SEMA5A: variants seen among roughly 807,000 people sequenced by gnomAD.
SEMA5A encodes the protein semaphorin-5A.
In SEMA5A, 55 loss-of-function variants were observed where a neutral mutation model predicts 135.5. That is an observed-to-expected ratio of 0.41 (90% CI 0.33 to 0.51). SEMA5A has a LOEUF of 0.51. SEMA5A is among the 20% of genes least tolerant of loss of function. SEMA5A has a pLI of 0.37. For synonymous variants in SEMA5A, 580 were observed against 546.5 expected (o/e 1.06, Z -0.85); for missense variants, 1,290 against 1,419.9 (o/e 0.91, Z 1.47).
intron 2 of SEMA5A, among the ~76,000 whole-genome samples, chr5:9,417,507 T>A (rs1175509446): frequency 1.3e-5 from 2 of 152,210 alleles, no homozygotes; most frequent in Non-Finnish European, 2.9e-5. Flanking sequence ...CCTTAGCACC[T>A]CCTATATTTG....
At chr5:9,101,445 C>T (rs896779819) in intron 16 of SEMA5A, among the ~76,000 whole-genome samples, 1 of 152,158 alleles carries the variant, frequency 6.6e-6, no homozygotes, top group Non-Finnish European at 1.5e-5. Flanking sequence ...CACTCATTCC[C>T]TAAGAAGCAC....
intron 13 of SEMA5A, among the ~76,000 whole-genome samples, chr5:9,129,081 A>G (rs1468276531): frequency 2.6e-5 from 4 of 152,246 alleles, no homozygotes; most frequent in Non-Finnish European, 5.9e-5. Context: ...AAGAGATGCT[A>G]TAAATGTTCT....
At chr5:9,329,691 C>T (rs1753032419) in intron 4 of SEMA5A, among the ~76,000 whole-genome samples, 2 of 152,166 alleles carry the variant, frequency 1.3e-5, no homozygotes, top group Non-Finnish European at 2.9e-5. Flanking sequence ...TATCACAGCC[C>T]TTTGTTGGTT....
At position 9,199,675 on chromosome 5, in the gene SEMA5A, C is replaced by T. The variant is rs1806114; in HGVS notation, c.932+2280G>A. ...GCAATAAAAAAATCCTACCCCCCAC[C>T]GCAACTTTACTATCTTTATATCCAT... On this transcript the variant is annotated intron_variant, in intron 9 of 22. Transcript: ENST00000382496. 1.6e-3 allele frequency among the ~76,000 whole-genome samples: 248 copies of T among 152,282 alleles called. 1 individual carries two copies. The highest frequency in any genetic ancestry group is 3.3e-3 in the Admixed American group (51 of 15,292).
chr5:9,141,860 G>T (rs1742083910), intron 12 of SEMA5A, among the ~76,000 whole-genome samples: 1 of 152,132 alleles, frequency 6.6e-6, no homozygotes, highest in African/African-American at 2.4e-5. Context: ...TATCAGTGAT[G>T]ACTTTATCTG....
chr5:9,205,544 G>A (rs1745967925), intron 8 of SEMA5A, among the ~76,000 whole-genome samples: 1 of 152,078 alleles, frequency 6.6e-6, no homozygotes, highest in Admixed American at 6.5e-5. Flanking sequence ...GCAATGGCAG[G>A]TAGACTGACC....
chr5:9,149,577 G>A (rs958484128), intron 12 of SEMA5A, among the ~76,000 whole-genome samples: 2 of 152,198 alleles, frequency 1.3e-5, no homozygotes, highest in African/African-American at 4.8e-5. Flanking sequence ...TCGGAAGATG[G>A]AGGTTGCAGT....
intron 5 of SEMA5A, among the ~76,000 whole-genome samples, chr5:9,241,188 GTAAGTTT>G (rs1203779956): frequency 6.6e-6 from 1 of 152,104 alleles, no homozygotes; most frequent in Non-Finnish European, 1.5e-5. Flanking sequence ...CCTGTTTGCA[GTAAGTTT>G]TTTTCTGTAA....
At chr5:9,353,217 A>G (rs866246573) in intron 3 of SEMA5A, among the ~76,000 whole-genome samples, 2 of 143,676 alleles carry the variant, frequency 1.4e-5, no homozygotes, top group Admixed American at 7.0e-5. Flanking sequence ...AAAGGAAAGG[A>G]AAGGAAAGGA....
intron 1 of SEMA5A, among the ~76,000 whole-genome samples, chr5:9,514,582 T>A (rs1461499258): frequency 6.6e-6 from 1 of 152,220 alleles, no homozygotes; most frequent in Non-Finnish European, 1.5e-5. Flanking sequence ...TACTTTAAAT[T>A]ATCTCTAGAT....
intron 3 of SEMA5A, among the ~76,000 whole-genome samples, chr5:9,344,121 T>A (rs1006977591): frequency 6.6e-6 from 1 of 152,222 alleles, no homozygotes; most frequent in Non-Finnish European, 1.5e-5. Context: ...ACTTCTTTAT[T>A]TACTAACTAT....
In SEMA5A at chr5:9,171,308, G is replaced by A. The variant is rs150022733; in HGVS notation, c.1274-16613C>T. Among the ~76,000 whole-genome samples, 531 of 152,300 alleles carry A rather than the reference G, an allele frequency of 3.5e-3. 4 individuals carry two copies. Among genetic ancestry groups the A allele is most frequent in the African/African-American group, 0.012 (501 of 41,566 alleles). ...AAGGATTGGTAACAGAAATGATGGGGAGGGCTGTGGACTTCCTAGGCAGGA... is the reference window on the plus strand; with the variant it reads ...AAGGATTGGTAACAGAAATGATGGGAAGGGCTGTGGACTTCCTAGGCAGGA... On this transcript the variant is annotated intron_variant, in intron 11 of 22. Coordinates refer to ENST00000382496, the MANE Select transcript of SEMA5A (RefSeq NM_003966.3).
intron 1 of SEMA5A, among the ~76,000 whole-genome samples, chr5:9,521,334 C>CAAAGGTCTCTCTTTGA (rs1736818065): frequency 6.6e-6 from 1 of 152,174 alleles, no homozygotes; most frequent in African/African-American, 2.4e-5. Context: ...CACTTGAACC[C>CAAAGGTCTCTCTTTGA]AGGAGGTGGA....
chr5:9,114,409 A>G (rs769132946), intron 15 of SEMA5A, among the ~76,000 whole-genome samples: 7 of 152,348 alleles, frequency 4.6e-5, no homozygotes, highest in Non-Finnish European at 7.3e-5. Context: ...GTGAATGTCA[A>G]TAATGTCACT....
At chr5:9,368,446 T>G (rs536086562) in intron 3 of SEMA5A, among the ~76,000 whole-genome samples, 7 of 152,372 alleles carry the variant, frequency 4.6e-5, no homozygotes, top group Admixed American at 2.6e-4. Context: ...CTCATTTAAA[T>G]GTAAAATTTA....
chr5:9,297,993 T>A (rs1485077440), intron 5 of SEMA5A, among the ~76,000 whole-genome samples: 1 of 152,120 alleles, frequency 6.6e-6, no homozygotes, highest in Non-Finnish European at 1.5e-5. Flanking sequence ...AGCTATAAAG[T>A]TAGGTGACCA....
At chr5:9,409,459 G>A (rs1757022695) in intron 2 of SEMA5A, among the ~76,000 whole-genome samples, 1 of 152,106 alleles carries the variant, frequency 6.6e-6, no homozygotes, top group Non-Finnish European at 1.5e-5. Context: ...TGAGTTCATG[G>A]CCAAGCCAGA....
chr5:9,499,718 T>C (rs1735483889), intron 1 of SEMA5A, among the ~76,000 whole-genome samples: 1 of 152,174 alleles, frequency 6.6e-6, no homozygotes, highest in African/African-American at 2.4e-5. Context: ...CAATAGCAGA[T>C]AAATAACAAA....
chr5:9,310,837 G>GTA (rs916280929), intron 5 of SEMA5A, among the ~76,000 whole-genome samples: 20 of 147,120 alleles, frequency 1.4e-4, no homozygotes, highest in South Asian at 4.3e-4. Flanking sequence ...ATGTATATGT[G>GTA]TATATATATA....
Sources: allele counts gnomAD v4.1 joint callset (sites outside exome capture counted in the v4.1 genomes callset), GRCh38; gene constraint gnomAD v4.1.1; transcripts MANE v1.5; gene names NCBI Gene and HGNC (gene_info 2026-07-23, HGNC 2026-07-21).